OMD: variants seen among roughly 807,000 people sequenced by gnomAD.
The protein encoded by OMD is osteomodulin, also known as KSPG osteomodulin.
OMD carries 19 observed loss-of-function variants against 31.2 expected under a neutral mutation model. That is an observed-to-expected ratio of 0.61 (90% CI 0.42 to 0.89). The LOEUF (loss-of-function observed/expected upper bound fraction) is 0.89, where lower values mean the gene tolerates loss of function less well. Ranked by LOEUF, OMD falls within the 40% of genes least tolerant of loss-of-function variation. The pLI is 0.00. For missense variants in OMD, 448 were observed against 490.8 expected (o/e 0.91, Z 0.82); for synonymous variants, 155 against 166.4 (o/e 0.93, Z 0.53).
At chr9:92,416,354 C>T (rs1166545902) in intron 2 of OMD, among the ~76,000 whole-genome samples, 1 of 151,984 alleles carries the variant, frequency 6.6e-6, no homozygotes, top group Non-Finnish European at 1.5e-5. Context: ...CCCCACCCGC[C>T]TTAGCCTCCC....
rs764532636 is a variant in OMD at position 92,417,326 on chromosome 9, CA to C, written c.232del (p.Cys78ValfsTer29). Reference protein sequence around the residue: ...CPTNFPSSMYCDNRKLKTIPN... With the variant: ...CPTNFPSSMYXDNRKLKTIPN... Reference sequence around the variant, plus strand: ...GATAGTCTTGAGTTTGCGATTATCACAGTACATTGATGATGGAAAGTTAGTT... The same window carrying C: ...GATAGTCTTGAGTTTGCGATTATCACGTACATTGATGATGGAAAGTTAGTT... On this transcript the variant is annotated frameshift_variant, in exon 2 of 3. Transcript: ENST00000375550. LOFTEE classifies it high-confidence loss of function. 2 of 1,614,050 alleles carry C rather than the reference CA, an allele frequency of 1.2e-6. No homozygotes were observed. Among genetic ancestry groups the C allele is most frequent in the Non-Finnish European group, 1.7e-6 (2 of 1,179,962 alleles).
intron 1 of OMD, among the ~76,000 whole-genome samples, chr9:92,422,014 TATA>T (rs752906568): frequency 6.6e-6 from 1 of 152,140 alleles, no homozygotes; most frequent in Non-Finnish European, 1.5e-5. Flanking sequence ...TGTATAATTT[TATA>T]ATATTTTATT....
At position 92,414,761 on chromosome 9, in the gene OMD, A is replaced by G; in HGVS notation, c.*391T>C. 4.4e-6 allele frequency: 1 copy of G among 224,784 alleles called. No homozygotes were observed. Among genetic ancestry groups the G allele is most frequent in the Non-Finnish European group, 8.8e-6 (1 of 113,430 alleles). 13.9% of individuals were successfully genotyped at this position (224,784 alleles called of 1,614,324 possible). On this transcript the variant is annotated 3_prime_UTR_variant, in exon 3 of 3. Coordinates refer to ENST00000375550, the MANE Select transcript of OMD (RefSeq NM_005014.3). ...TTCCTGTCATTTAAATATTGTCCTC[A>G]GAGTGATCAAAAAGGTCATGGCCTG...
chr9:92,421,420 G>T lies in OMD; in HGVS notation c.-17+2782C>A, dbSNP rs564032741. Among the ~76,000 whole-genome samples, 238 of 152,318 alleles carry T rather than the reference G, an allele frequency of 1.6e-3. 1 individual carries two copies. The highest frequency in any genetic ancestry group is 5.6e-3 in the African/African-American group (234 of 41,568). On this transcript the variant is annotated intron_variant, in intron 1 of 2. Coordinates refer to ENST00000375550, the MANE Select transcript of OMD (RefSeq NM_005014.3). ...TTTAATGAATTAACATATTTGGGCT[G>T]TGATTTCACACTACAGTCAGTGTTC... is the stretch of plus-strand genomic sequence containing the variant.
chr9:92,416,058 G>GTGTGTGTATATATATATATATATA (rs6151074), intron 2 of OMD, among the ~76,000 whole-genome samples: 3 of 130,914 alleles, frequency 2.3e-5, no homozygotes, highest in East Asian at 2.2e-4. Context: ...ATATATGTGT[G>GTGTGTGTATATATATATATATATA]TATATATATA....
rs1307475961 is a variant in OMD, at chr9:92,413,868, G to A, written c.*1284C>T. On this transcript the variant is annotated 3_prime_UTR_variant, in exon 3 of 3. Transcript: ENST00000375550. ...TAATAATTCCTCAAAGATGTAAAGAGCATTAAAGACTTCACTTTAAACTGG... is the reference window on the plus strand; with the variant it reads ...TAATAATTCCTCAAAGATGTAAAGAACATTAAAGACTTCACTTTAAACTGG... Among the ~76,000 whole-genome samples, 1 of 152,200 alleles carries A rather than the reference G, an allele frequency of 6.6e-6. No homozygotes were observed. Among genetic ancestry groups the A allele is most frequent in the Non-Finnish European group, 1.5e-5 (1 of 68,034 alleles).
At chr9:92,416,045 A>AT (rs1346400926) in intron 2 of OMD, among the ~76,000 whole-genome samples, 2 of 104,146 alleles carry the variant, frequency 1.9e-5, no homozygotes, top group Non-Finnish European at 4.2e-5. Context: ...AAATAAATAT[A>AT]TTATATATGT....
rs1843630152 is a variant in OMD at position 92,416,875 on chromosome 9, A to C, written c.684T>G (p.Pro228=). 3 of 1,614,004 alleles carry C rather than the reference A, an allele frequency of 1.9e-6. No homozygotes were observed. The East Asian group carries it at 6.7e-5, about 36-fold the overall frequency. ...NLCSNRLESM[P]PGLPSSLMYL... is the part of the protein sequence containing the mutation. The stretch of plus-strand genomic sequence containing the variant: ...ACATAAGTGAAGAAGGCAAACCAGG[A>C]GGCATTGATTCTAATCTGTTACTGC... The change falls in exon 2 of 3, where the codon CCT becomes CCG. Residue 228 remains proline (P), a synonymous_variant. Coordinates refer to ENST00000375550, the MANE Select transcript of OMD (RefSeq NM_005014.3).
Position 92,415,735 on chromosome 9 carries a change from A to G in OMD, c.941-258T>C, listed in dbSNP as rs192518117. Among the ~76,000 whole-genome samples, 1,177 of 149,340 alleles carry G rather than the reference A, an allele frequency of 7.9e-3. 7 individuals are homozygous for G. The highest frequency in any genetic ancestry group is 0.012 in the Non-Finnish European group (833 of 67,370). ...CCTAGTAGAACAATCTCAAAAAAAA[A>G]TTATCTACAATCCCACTACTTAGGA... On this transcript the variant is annotated intron_variant, in intron 2 of 2. Transcript: ENST00000375550.
chr9:92,421,679 G>A (rs931424491), intron 1 of OMD, among the ~76,000 whole-genome samples: 19 of 152,184 alleles, frequency 1.2e-4, no homozygotes, highest in African/African-American at 3.6e-4. Context: ...TCAGTTTACC[G>A]TTGTCCTGAA....
intron 1 of OMD, among the ~76,000 whole-genome samples, chr9:92,419,017 A>G (rs757759314): frequency 3.3e-5 from 5 of 152,156 alleles, no homozygotes; most frequent in Non-Finnish European, 7.3e-5. Flanking sequence ...CTTGTCTCCC[A>G]GGTGTTTAAA....
Position 92,416,647 on chromosome 9 carries a change from G to T in OMD, c.912C>A (p.His304Gln). 1 of 1,594,586 alleles carries T rather than the reference G, an allele frequency of 6.3e-7. No homozygotes were observed. Among genetic ancestry groups the T allele is most frequent in the Non-Finnish European group, 8.5e-7 (1 of 1,169,912 alleles). ...QAFYIPRNLEHLYLQNNEIEK... is the reference protein window; with the variant it reads ...QAFYIPRNLEQLYLQNNEIEK... ...CTATTTCATTATTTTGTAGGTATAG[G>T]TGTTCCAAATTTCTTGGAATATAGA... is the stretch of plus-strand genomic sequence containing the variant. Residue 304 changes from histidine to glutamine, a missense_variant, in exon 2 of 3, where the codon CAC becomes CAA. Coordinates refer to ENST00000375550, the MANE Select transcript of OMD (RefSeq NM_005014.3).
At position 92,417,008 on chromosome 9, in the gene OMD, C is replaced by T; in HGVS notation, c.551G>A (p.Gly184Glu). The T allele has an allele frequency of 1.9e-6, 3 of 1,613,854 alleles. No individual in the cohort carries two copies. Among genetic ancestry groups the T allele is most frequent in the Non-Finnish European group, 2.5e-6 (3 of 1,179,910 alleles). ...ATCAAGCATGGTCAAGTTTACTAGC[C>T]CATCCATAGCATTTGTCTGCAGTTT... ...ISKLQTNAMDGLVNLTMLDLC... is the reference protein window; with the variant it reads ...ISKLQTNAMDELVNLTMLDLC... The change falls in exon 2 of 3, where the codon GGG (glycine) becomes GAG (glutamate). Residue 184 changes from glycine to glutamate, a missense_variant. Physicochemically the swap from Gly to Glu is moderately conservative, Grantham distance 98 (BLOSUM62 -2). Coordinates refer to ENST00000375550, the MANE Select transcript of OMD (RefSeq NM_005014.3).
At chr9:92,417,722 A>T (rs964876194) in intron 1 of OMD, 148 bp from the exon 2 acceptor site, 13 of 514,902 alleles carry the variant, frequency 2.5e-5, no homozygotes, top group African/African-American at 2.2e-4. Context: ...TCAAACCAAA[A>T]TTTTTTTCTT....
Position 92,417,161 on chromosome 9 carries a change from T to A in OMD, c.398A>T (p.Asp133Val). 1 of 1,613,902 alleles carries A rather than the reference T, an allele frequency of 6.2e-7. No individual in the cohort carries two copies. Among genetic ancestry groups the A allele is most frequent in the Non-Finnish European group, 8.5e-7 (1 of 1,179,982 alleles). Residue 133 changes from aspartate to valine, a missense_variant, in exon 2 of 3, where the codon GAT becomes GTT. Coordinates refer to ENST00000375550, the MANE Select transcript of OMD (RefSeq NM_005014.3). The part of the protein sequence containing the change: ...SHNKIKSQKI[D>V]YGVFAKLPNL... ...TGGAAGCTTAGCAAACACACCATAA[T>A]CAATCTTTTGAGATTTAATTTTGTT...
chr9:92,418,976 G>A (rs1843702549), intron 1 of OMD, among the ~76,000 whole-genome samples: 1 of 151,990 alleles, frequency 6.6e-6, no homozygotes, highest in Admixed American at 6.6e-5. Flanking sequence ...TTAAGTTTTA[G>A]ATACAAAAAT....
At chr9:92,418,276 G>A (rs2761677) in intron 1 of OMD, among the ~76,000 whole-genome samples, 55,572 of 151,170 alleles carry the variant, frequency 0.37, 12,546 homozygotes, top group African/African-American at 0.64. Context: ...TAGTAGAGAC[G>A]GGGTTTCTCC....
Position 92,417,131 on chromosome 9 carries a change from A to G in OMD, c.428T>C (p.Leu143Pro). The G allele has an allele frequency of 6.2e-7, 1 of 1,613,826 alleles. No individual in the cohort carries two copies. The highest frequency in any genetic ancestry group is 8.5e-7 in the Non-Finnish European group (1 of 1,179,920). The change falls in exon 2 of 3, where the codon CTA becomes CCA. Residue 143 changes from leucine (L) to proline (P), a missense_variant. Transcript: ENST00000375550. ...DYGVFAKLPN[L>P]LQLHLEHNNL... ...ATTATGCTCTAGATGAAGTTGTAGT[A>G]GATTTGGAAGCTTAGCAAACACACC...
chr9:92,418,985 A>C (rs945664796), intron 1 of OMD, among the ~76,000 whole-genome samples: 1 of 152,142 alleles, frequency 6.6e-6, no homozygotes, highest in Non-Finnish European at 1.5e-5. Flanking sequence ...AGATACAAAA[A>C]TATTATTAAA....
Sources: allele counts gnomAD v4.1 joint callset (sites outside exome capture counted in the v4.1 genomes callset), GRCh38; gene constraint gnomAD v4.1.1; transcripts MANE v1.5; gene names NCBI Gene and HGNC (gene_info 2026-07-23, HGNC 2026-07-21).